KANK1: variants seen among roughly 807,000 people sequenced by gnomAD.
KANK1 encodes KN motif and ankyrin repeat domain-containing protein 1.
Under a neutral mutation model 106.2 loss-of-function variants are expected in KANK1, and 109 were observed. The ratio of observed to expected loss-of-function variants is 1.03; its 90% CI spans 0.88 to 1.20. KANK1 has a LOEUF of 1.20. KANK1 is among the 50% of genes most tolerant of loss of function. The pLI is 0.00. For missense variants in KANK1, 2,399 were observed against 1,710.7 expected (o/e 1.40, Z -7.10); for synonymous variants, 873 against 652.2 (o/e 1.34, Z -5.16).
intron 1 of KANK1, among the ~76,000 whole-genome samples, chr9:651,093 G>A (rs1159306108): frequency 2.6e-5 from 4 of 152,152 alleles, no homozygotes; most frequent in Non-Finnish European, 5.9e-5. Context: ...TCTGTGAAAG[G>A]AGGAATTTGG....
At chr9:628,479 T>G (rs958719354) in intron 1 of KANK1, among the ~76,000 whole-genome samples, 9 of 152,232 alleles carry the variant, frequency 5.9e-5, no homozygotes, top group Non-Finnish European at 1.2e-4. Context: ...AGTATACATC[T>G]TAAAGTTGCC....
chr9:620,201 T>A (rs193061602), intron 1 of KANK1, among the ~76,000 whole-genome samples: 180 of 151,688 alleles, frequency 1.2e-3, no homozygotes, highest in African/African-American at 4.3e-3. Context: ...AAGAAAACTT[T>A]GTCAGGTACA....
intron 1 of KANK1, among the ~76,000 whole-genome samples, chr9:605,137 C>G (rs1010861275): frequency 6.6e-6 from 1 of 151,316 alleles, no homozygotes; most frequent in East Asian, 2.0e-4. Flanking sequence ...CCTGTCTCTA[C>G]TAAAAATAGA....
At position 643,175 on chromosome 9, in the gene KANK1, C is replaced by A. The variant is rs532041128; in HGVS notation, c.-83-33715C>A. Among the ~76,000 whole-genome samples, 129 of 150,780 alleles carry A rather than the reference C, an allele frequency of 8.6e-4. 2 individuals are homozygous for A. The highest frequency in any genetic ancestry group is 2.2e-4 in the Non-Finnish European group (15 of 68,030). ...AAGATGGGGAGTGACTCTCATTCAT[C>A]TCCATCTTCCTTTGAAATTTCATAC... On this transcript the variant is annotated intron_variant, in intron 1 of 11. Coordinates refer to ENST00000382297, the MANE Select transcript of KANK1 (RefSeq NM_015158.5).
intron 1 of KANK1, among the ~76,000 whole-genome samples, chr9:517,563 T>C (rs16917368): frequency 0.012 from 1,803 of 151,760 alleles, 72 homozygotes; most frequent in African/African-American, 0.04. Context: ...TTTTTTCCTT[T>C]AGTGAAATCC....
At chr9:577,904 C>T (rs908521713) in intron 1 of KANK1, among the ~76,000 whole-genome samples, 3 of 152,118 alleles carry the variant, frequency 2.0e-5, no homozygotes, top group African/African-American at 7.2e-5. Flanking sequence ...GGAATAGGAG[C>T]ACCCTGAAGC....
Position 550,972 on chromosome 9 carries a change from C to A in KANK1, c.-84+46218C>A, listed in dbSNP as rs966441172. ...GCCCTCTTTCTGCTGTATCTTTGTG[C>A]CTCACATCTTGAGAGAAGTTGAGTG... On this transcript the variant is annotated intron_variant, in intron 1 of 11. Transcript: ENST00000382297. Among the ~76,000 whole-genome samples the A allele has an allele frequency of 1.1e-4, 17 of 151,784 alleles. No individual in the cohort carries two copies. In the South Asian group the frequency reaches 1.5e-3, roughly 13 times the overall value.
intron 1 of KANK1, among the ~76,000 whole-genome samples, chr9:507,036 C>A (rs1237197712): frequency 6.6e-6 from 1 of 152,034 alleles, no homozygotes; most frequent in African/African-American, 2.4e-5. Flanking sequence ...GCAACATCCA[C>A]TACACTTCTC....
At chr9:601,549 T>A (rs924037926) in intron 1 of KANK1, among the ~76,000 whole-genome samples, 1 of 151,882 alleles carries the variant, frequency 6.6e-6, no homozygotes, top group Non-Finnish European at 1.5e-5. Flanking sequence ...AAAGCAATGA[T>A]GTATCTTTTT....
chr9:498,926 C>T (rs1460625266), intron 3 of KANK1, among the ~76,000 whole-genome samples: 1 of 152,110 alleles, frequency 6.6e-6, no homozygotes, highest in Non-Finnish European at 1.5e-5. Context: ...GCCTTTAATC[C>T]CAGCACTTTG....
chr9:507,588 C>T (rs2058822298), intron 1 of KANK1, among the ~76,000 whole-genome samples: 2 of 142,322 alleles, frequency 1.4e-5, no homozygotes, highest in African/African-American at 5.3e-5. Context: ...GATGGAGTCT[C>T]GATCTGTTGC....
At chr9:684,180 C>T in intron 2 of KANK1, 2 of 985,378 alleles carry the variant, frequency 2.0e-6, no homozygotes, top group African/African-American at 1.7e-5. Flanking sequence ...CTTTCTTGCC[C>T]CAAGCCTTGA....
At chr9:579,202 C>T (rs1441936729) in intron 1 of KANK1, among the ~76,000 whole-genome samples, 1 of 152,092 alleles carries the variant, frequency 6.6e-6, no homozygotes, top group African/African-American at 2.4e-5. Context: ...TTCCCCGACC[C>T]ACCCACCCTG....
chr9:675,809 C>T (rs1816295452), intron 1 of KANK1, among the ~76,000 whole-genome samples: 1 of 152,152 alleles, frequency 6.6e-6, no homozygotes, highest in African/African-American at 2.4e-5. Flanking sequence ...ATAGGCAGAG[C>T]AGGAGCGTAG....
At chr9:585,652 G>A (rs555094149) in intron 1 of KANK1, among the ~76,000 whole-genome samples, 2 of 152,324 alleles carry the variant, frequency 1.3e-5, no homozygotes, top group Non-Finnish European at 2.9e-5. Flanking sequence ...TGGTGAACAT[G>A]GAAGAGTAGA....
intron 1 of KANK1, among the ~76,000 whole-genome samples, chr9:623,108 A>G (rs2136457566): frequency 6.6e-6 from 1 of 152,234 alleles, no homozygotes; most frequent in South Asian, 2.1e-4. Flanking sequence ...ACAACCAACA[A>G]AATGAAAAGG....
chr9:506,672 T>A (rs2058772902), intron 1 of KANK1, among the ~76,000 whole-genome samples: 2 of 152,240 alleles, frequency 1.3e-5, no homozygotes, highest in Admixed American at 1.3e-4. Context: ...AAATGGCCAC[T>A]GGAATTGATA....
At chr9:505,773 C>G (rs2058729005) in intron 1 of KANK1, among the ~76,000 whole-genome samples, 2 of 152,236 alleles carry the variant, frequency 1.3e-5, no homozygotes, top group Non-Finnish European at 1.5e-5. Flanking sequence ...CCCTGATACC[C>G]GAGGCTAATA....
At chr9:471,013 T>C (rs150733323) in intron 2 of KANK1, 62 of 152,350 alleles carry the variant, frequency 4.1e-4, no homozygotes, top group East Asian at 3.3e-3. Context: ...GCCAGGGTTA[T>C]TGTTTTGCAA....
Sources: allele counts gnomAD v4.1 joint callset (sites outside exome capture counted in the v4.1 genomes callset), GRCh38; gene constraint gnomAD v4.1.1; transcripts MANE v1.5; gene names NCBI Gene and HGNC (gene_info 2026-07-23, HGNC 2026-07-21).